MCCC1: variants seen among roughly 807,000 people sequenced by gnomAD.
MCCC1 encodes the protein methylcrotonoyl-CoA carboxylase subunit alpha, mitochondrial.
In MCCC1, 64 loss-of-function variants were observed where a neutral mutation model predicts 83.8. The ratio of observed to expected loss-of-function variants is 0.76; its 90% confidence interval spans 0.62 to 0.94. The LOEUF is 0.94. MCCC1 is among the 40% of genes least tolerant of loss of function. The pLI is 0.00. For synonymous variants in MCCC1, 322 were observed against 315.4 expected, an observed-to-expected ratio of 1.02 and a Z score of -0.22; for missense variants, 807 against 904.7, an observed-to-expected ratio of 0.89 and a Z score of 1.39.
intron 7 of MCCC1, among the ~76,000 whole-genome samples, chr3:183,061,676 T>C (rs1715845083): frequency 6.6e-6 from 1 of 152,224 alleles, no homozygotes; most frequent in Non-Finnish European, 1.5e-5. Flanking sequence ...TTGTCCAGAT[T>C]TTAGAGTGAA....
intron 1 of MCCC1, among the ~76,000 whole-genome samples, chr3:183,110,435 C>G: frequency 6.6e-6 from 1 of 150,896 alleles, no homozygotes; most frequent in Non-Finnish European, 1.5e-5. Flanking sequence ...ACTCTGTCAC[C>G]CAGGCTGGAG....
intron 15 of MCCC1, among the ~76,000 whole-genome samples, chr3:183,024,210 A>T (rs939579898): frequency 6.6e-6 from 1 of 152,162 alleles, no homozygotes; most frequent in African/African-American, 2.4e-5. Context: ...AGATCATGCC[A>T]TTGCACTCCA....
At chr3:183,070,491 T>C (rs1716580551) in intron 7 of MCCC1, among the ~76,000 whole-genome samples, 1 of 152,130 alleles carries the variant, frequency 6.6e-6, no homozygotes, top group Admixed American at 6.5e-5. Context: ...TCCCAGCACT[T>C]TGGGAGGCTG....
In MCCC1 at chr3:183,071,086, T is replaced by A; in HGVS notation, c.674A>T (p.Gln225Leu). The change falls in exon 7 of 19, where the codon CAA (glutamine) becomes CTA (leucine). Residue 225 changes from glutamine (Q) to leucine (L), a missense_variant. Transcript: ENST00000265594. ...MRIVRSEQEF[Q>L]EQLESARREA... Reference sequence around the variant, plus strand: ...TCTCCGTGCTGACTCTAACTGTTCTTGAAATTCTTGTTCTGATCTAACAAT... The same window carrying A: ...TCTCCGTGCTGACTCTAACTGTTCTAGAAATTCTTGTTCTGATCTAACAAT... 1 of 1,614,244 alleles carries A rather than the reference T, an allele frequency of 6.2e-7. No homozygotes were observed. The highest frequency in any genetic ancestry group is 2.2e-5 in the East Asian group (1 of 44,888).
At chr3:183,067,774 A>G (rs1052826166) in intron 7 of MCCC1, among the ~76,000 whole-genome samples, 4 of 152,232 alleles carry the variant, frequency 2.6e-5, no homozygotes, top group African/African-American at 9.6e-5. Flanking sequence ...GTTAGTGGAA[A>G]GCCTTCTAAC....
chr3:183,050,901 A>G (rs890646301), intron 9 of MCCC1, among the ~76,000 whole-genome samples: 3 of 152,172 alleles, frequency 2.0e-5, no homozygotes, highest in African/African-American at 7.2e-5. Context: ...TTCATCAAAG[A>G]AGATATAAAG....
At chr3:183,016,951 A>T in intron 18 of MCCC1, 2 of 405,660 alleles carry the variant, frequency 4.9e-6, no homozygotes, top group Non-Finnish European at 9.2e-6. Context: ...TTCCAGAAAC[A>T]CCAACAGTTA....
intron 15 of MCCC1, among the ~76,000 whole-genome samples, chr3:183,023,838 T>G (rs1712356762): frequency 6.6e-6 from 1 of 152,194 alleles, no homozygotes; most frequent in South Asian, 2.1e-4. Context: ...ATTTTGCCAA[T>G]GTAATGGTCT....
chr3:183,026,487 G>A (rs1712613223), intron 14 of MCCC1, among the ~76,000 whole-genome samples: 1 of 152,136 alleles, frequency 6.6e-6, no homozygotes, highest in Non-Finnish European at 1.5e-5. Flanking sequence ...AGAGGAGTGG[G>A]GATCACGAAG....
intron 5 of MCCC1, 98 bp from the exon 6 acceptor site, chr3:183,071,455 CT>C: frequency 6.5e-7 from 1 of 1,549,888 alleles, no homozygotes; most frequent in Non-Finnish European, 8.9e-7. Context: ...TACAATGGAA[CT>C]CTTTAAAGAA....
At chr3:183,050,608 G>C (rs571239238) in intron 9 of MCCC1, among the ~76,000 whole-genome samples, 1 of 150,958 alleles carries the variant, frequency 6.6e-6, no homozygotes, top group Non-Finnish European at 1.5e-5. Context: ...CAGGGGGCTG[G>C]GACAGGAGAA....
chr3:183,096,152 A>G (rs187797239), intron 1 of MCCC1, among the ~76,000 whole-genome samples: 1 of 152,252 alleles, frequency 6.6e-6, no homozygotes, highest in East Asian at 1.9e-4. Flanking sequence ...CCTGGCCAAC[A>G]TGGTGAAACC....
chr3:183,110,496 C>A (rs1264906221), intron 1 of MCCC1, among the ~76,000 whole-genome samples: 2 of 151,794 alleles, frequency 1.3e-5, no homozygotes, highest in African/African-American at 4.8e-5. Flanking sequence ...CAGGTTCACG[C>A]CATTCTCCTG....
intron 14 of MCCC1, among the ~76,000 whole-genome samples, chr3:183,026,278 G>C (rs1712592479): frequency 6.6e-6 from 1 of 152,172 alleles, no homozygotes; most frequent in Non-Finnish European, 1.5e-5. Flanking sequence ...CTGGACTCAA[G>C]TGATCCATCT....
intron 7 of MCCC1, among the ~76,000 whole-genome samples, chr3:183,068,398 T>C (rs554205925): frequency 6.6e-5 from 10 of 152,168 alleles, no homozygotes; most frequent in Non-Finnish European, 1.0e-4. Flanking sequence ...ACCAGCACCA[T>C]GACAGTTTGC....
chr3:183,075,103 T>A (rs1232296183), intron 4 of MCCC1, among the ~76,000 whole-genome samples: 1 of 152,242 alleles, frequency 6.6e-6, no homozygotes, highest in East Asian at 1.9e-4. Flanking sequence ...CACCTTTTCT[T>A]CATCCAATCT....
intron 3 of MCCC1, among the ~76,000 whole-genome samples, chr3:183,092,051 C>CA (rs553227971): frequency 1.5e-3 from 208 of 136,450 alleles, no homozygotes; most frequent in African/African-American, 4.1e-3. Flanking sequence ...GACTCAATCT[C>CA]AAAAAAAAAA....
At chr3:183,105,955 G>T (rs1171779355) in intron 1 of MCCC1, among the ~76,000 whole-genome samples, 1 of 151,830 alleles carries the variant, frequency 6.6e-6, no homozygotes, top group Non-Finnish European at 1.5e-5. Context: ...CGGACATGGT[G>T]GCTGGTGCCT....
At chr3:183,050,823 T>C (rs765624056) in intron 9 of MCCC1, among the ~76,000 whole-genome samples, 1 of 151,442 alleles carries the variant, frequency 6.6e-6, no homozygotes, top group African/African-American at 2.4e-5. Flanking sequence ...TACAAAGGAC[T>C]CTTAAAACTC....
Sources: allele counts gnomAD v4.1 joint callset (sites outside exome capture counted in the v4.1 genomes callset), GRCh38; gene constraint gnomAD v4.1.1; transcripts MANE v1.5; gene names NCBI Gene and HGNC (gene_info 2026-07-23, HGNC 2026-07-21).